Variants in CFAP57 observed in about 807,000 individuals in gnomAD.
CFAP57 encodes the protein cilia and flagella associated protein 57, also known as cilia- and flagella-associated protein 57.
Under a neutral mutation model 146.8 loss-of-function variants are expected in CFAP57, and 116 were observed. The observed-to-expected ratio is 0.79, with a 90% confidence interval of 0.68 to 0.92. The LOEUF (loss-of-function observed/expected upper bound fraction) is 0.92, where lower values mean the gene tolerates loss of function less well. Ranked by LOEUF, CFAP57 falls within the 40% of genes least tolerant of loss-of-function variation. The pLI is 0.00. For synonymous variants in CFAP57, 518 were observed against 552.8 expected, an observed-to-expected ratio of 0.94 and a Z score of 0.88; for missense variants, 1,377 against 1,527.2, an observed-to-expected ratio of 0.90 and a Z score of 1.64.
chr1:43,175,313 A>T (rs1319856788), intron 2 of CFAP57, among the ~76,000 whole-genome samples: 1 of 151,872 alleles, frequency 6.6e-6, no homozygotes, highest in East Asian at 1.9e-4. Flanking sequence ...ATGTACATGT[A>T]TATATACATA....
chr1:43,225,098 A>G (rs1645195974), intron 17 of CFAP57, among the ~76,000 whole-genome samples: 1 of 151,338 alleles, frequency 6.6e-6, no homozygotes, highest in Admixed American at 6.6e-5. Context: ...TTTTTAGGGA[A>G]GATCCAAAGC....
chr1:43,234,608 G>A lies in CFAP57; in HGVS notation c.3375G>A (p.Leu1125=). Residue 1125 remains leucine (L), a synonymous_variant, in exon 21 of 23, where the codon CTG becomes CTA. Coordinates refer to ENST00000372492, the MANE Select transcript of CFAP57 (RefSeq NM_001378189.1). ...LKKKVVKEGE[L]HRTDYVRIMQ... ...AGAAGGTGGTCAAGGAGGGCGAGCTGCACCGCACAGACTACGTCCGCATCA... is the reference window on the plus strand; with the variant it reads ...AGAAGGTGGTCAAGGAGGGCGAGCTACACCGCACAGACTACGTCCGCATCA... 6.5e-7 allele frequency: 1 copy of A among 1,550,384 alleles called. No homozygotes were observed. Among genetic ancestry groups the A allele is most frequent in the Non-Finnish European group, 8.7e-7 (1 of 1,146,896 alleles).
At position 43,197,559 on chromosome 1, in the gene CFAP57, C is replaced by T. The variant is rs757783203; in HGVS notation, c.1129C>T (p.Pro377Ser). The T allele has an allele frequency of 3.1e-6, 5 of 1,614,064 alleles. No homozygotes were observed. The South Asian group carries it at 3.3e-5, about 11-fold the overall frequency. ...TTCTGTGTGATTTCTCTAGGGGGAG[C>T]CTGCTCACTTTGAGTATTTGATGTA... ...MSLTEISKGEPAHFEYLMYPL... is the reference protein window; with the variant it reads ...MSLTEISKGESAHFEYLMYPL... The change falls in exon 7 of 23, where the codon CCT becomes TCT. Residue 377 changes from proline (P) to serine (S), a missense_variant. Transcript: ENST00000372492.
At chr1:43,205,653 G>A (rs946342125) in intron 9 of CFAP57, among the ~76,000 whole-genome samples, 6 of 152,172 alleles carry the variant, frequency 3.9e-5, no homozygotes, top group Admixed American at 2.6e-4. Context: ...AGTGACAATG[G>A]GCCGAGGGGA....
chr1:43,235,397 A>G (rs955508209), intron 21 of CFAP57, among the ~76,000 whole-genome samples: 1 of 152,234 alleles, frequency 6.6e-6, no homozygotes, highest in Admixed American at 6.5e-5. Context: ...AAAAGGGAAC[A>G]TCAGAATCAC....
chr1:43,184,841 C>T, intron 4 of CFAP57: 1 of 330,656 alleles, frequency 3.0e-6, no homozygotes. Flanking sequence ...TCCTTCAGCT[C>T]TGGGGTCCAG....
chr1:43,248,932 A>C (rs1646221911), intron 22 of CFAP57, among the ~76,000 whole-genome samples: 1 of 151,780 alleles, frequency 6.6e-6, no homozygotes, highest in African/African-American at 2.4e-5. Context: ...CCCAGGCTGG[A>C]GTGCAGTGGC....
At chr1:43,212,475 G>T (rs1391150675) in intron 11 of CFAP57, among the ~76,000 whole-genome samples, 2 of 152,162 alleles carry the variant, frequency 1.3e-5, no homozygotes, top group Non-Finnish European at 2.9e-5. Context: ...CAGTCATAGA[G>T]CATGTAATGA....
At chr1:43,203,570 C>T (rs908891736) in intron 9 of CFAP57, among the ~76,000 whole-genome samples, 2 of 152,174 alleles carry the variant, frequency 1.3e-5, no homozygotes, top group Non-Finnish European at 2.9e-5. Flanking sequence ...AAACGATTCT[C>T]CTGCCTCAGC....
chr1:43,185,688 A>G (rs1457083475), intron 5 of CFAP57, among the ~76,000 whole-genome samples: 1 of 151,604 alleles, frequency 6.6e-6, no homozygotes, highest in Non-Finnish European at 1.5e-5. Flanking sequence ...CAAAAAAAAA[A>G]AAAAAAAAAT....
chr1:43,221,603 G>C (rs183762925), intron 14 of CFAP57, 138 bp downstream of exon 14: 11 of 510,828 alleles, frequency 2.2e-5, no homozygotes, highest in Admixed American at 1.6e-4. Flanking sequence ...GTATCCCCTG[G>C]AACTCACTGT....
chr1:43,180,239 A>ATATATATATATATATATATATATATAT (rs779998085), intron 2 of CFAP57, among the ~76,000 whole-genome samples: 1 of 145,004 alleles, frequency 6.9e-6, no homozygotes, highest in Non-Finnish European at 1.5e-5. Context: ...ATATATATAT[A>ATATATATATATATATATATATATATAT]AAATATATAT....
chr1:43,234,496 T>G lies in CFAP57; in HGVS notation c.3263T>G (p.Val1088Gly). The change falls in exon 21 of 23, where the codon GTG (valine) becomes GGG (glycine). Residue 1088 changes from valine (V) to glycine (G), a missense_variant and splice_region_variant. Val to Gly is a moderately radical substitution (Grantham distance 109). Transcript: ENST00000372492. Reference sequence around the variant, plus strand: ...TGAGAATCTCCTGGGCCCCGTCAGGTGGAGATCGCAGGGCTGAACACAGAC... The same window carrying G: ...TGAGAATCTCCTGGGCCCCGTCAGGGGGAGATCGCAGGGCTGAACACAGAC... ...FEKYVQRADM[V>G]EIAGLNTDLQ... 1.3e-6 allele frequency: 2 copies of G among 1,547,816 alleles called. No individual in the cohort carries two copies. Among genetic ancestry groups the G allele is most frequent in the South Asian group, 2.4e-5 (2 of 83,734 alleles).
intron 22 of CFAP57, among the ~76,000 whole-genome samples, chr1:43,245,408 T>C (rs1050495198): frequency 1.4e-4 from 22 of 152,062 alleles, no homozygotes; most frequent in African/African-American, 5.3e-4. Flanking sequence ...CCATGTGATA[T>C]AGCCAGGGTC....
At chr1:43,223,594 C>G (rs1645133757) in intron 16 of CFAP57, among the ~76,000 whole-genome samples, 1 of 152,178 alleles carries the variant, frequency 6.6e-6, no homozygotes, top group Non-Finnish European at 1.5e-5. Context: ...AAGTTTCTTC[C>G]TATTAGAAAG....
At chr1:43,226,724 C>T (rs1192638655) in intron 17 of CFAP57, among the ~76,000 whole-genome samples, 1 of 152,182 alleles carries the variant, frequency 6.6e-6, no homozygotes, top group Non-Finnish European at 1.5e-5. Flanking sequence ...TGGGGGCCAT[C>T]GTTGGAAAAT....
chr1:43,248,255 A>G (rs978263936), intron 22 of CFAP57, among the ~76,000 whole-genome samples: 1 of 151,154 alleles, frequency 6.6e-6, no homozygotes, highest in Admixed American at 6.6e-5. Context: ...ACCAAAAAAT[A>G]TATCTTCATA....
chr1:43,197,632 A>G lies in CFAP57; in HGVS notation c.1202A>G (p.Lys401Arg). 6.2e-7 allele frequency: 1 copy of G among 1,614,178 alleles called. No individual in the cohort carries two copies. Among genetic ancestry groups the G allele is most frequent in the Non-Finnish European group, 8.5e-7 (1 of 1,180,034 alleles). ...PITGLATCIR[K>R]PLIATCSLDR... ...ACCGGTCTAGCTACCTGCATCCGCA[A>G]ACCCCTTATAGCCACCTGTTCTCTG... Residue 401 changes from lysine to arginine, a missense_variant, in exon 7 of 23, where the codon AAA (lysine) becomes AGA (arginine). Coordinates refer to ENST00000372492, the MANE Select transcript of CFAP57 (RefSeq NM_001378189.1).
Position 43,181,818 on chromosome 1 carries a change from A to T in CFAP57, c.442A>T (p.Arg148Ter), listed in dbSNP as rs1438049349. 1.9e-6 allele frequency: 3 copies of T among 1,614,126 alleles called. No individual in the cohort carries two copies. The African/African-American group carries it at 4.0e-5, about 22-fold the overall frequency. Residue 148 changes from arginine to a stop codon, truncating the protein, a stop_gained, in exon 3 of 23, where the codon AGA becomes TGA. Coordinates refer to ENST00000372492, the MANE Select transcript of CFAP57 (RefSeq NM_001378189.1). LOFTEE classifies it high-confidence loss of function. ...AAAACAGAAAGTAATGGCCATTGTT[A>T]GAATCGACACTCAGAACAACCCTGT... is the stretch of plus-strand genomic sequence containing the variant. ...WEKQKVMAIV[R>*]IDTQNNPVYQ...
Sources: allele counts gnomAD v4.1 joint callset (sites outside exome capture counted in the v4.1 genomes callset), GRCh38; gene constraint gnomAD v4.1.1; transcripts MANE v1.5; gene names NCBI Gene and HGNC (gene_info 2026-07-23, HGNC 2026-07-21).